Variants in NAV1 observed in about 807,000 individuals in gnomAD.
NAV1 encodes the protein pore membrane and/or filament interacting like protein 3.
NAV1 carries 18 observed loss-of-function variants against 175.2 expected under a neutral mutation model. The observed-to-expected ratio is 0.10, with a 90% CI of 0.07 to 0.15. NAV1 has a LOEUF of 0.15. Ranked by LOEUF, NAV1 falls within the 10% of genes least tolerant of loss-of-function variation. NAV1 has a pLI of 1.00. For synonymous variants in NAV1, 897 were observed against 978.7 expected (o/e 0.92, Z 1.56); for missense variants, 1,731 against 2,436.6 (o/e 0.71, Z 6.10).
At chr1:201,591,793 G>A (rs1667205157) in intron 2 of NAV1, among the ~76,000 whole-genome samples, 1 of 152,132 alleles carries the variant, frequency 6.6e-6, no homozygotes, top group Non-Finnish European at 1.5e-5. Flanking sequence ...CTGGGAAGGT[G>A]AGAAAGCTGA....
At chr1:201,544,991 T>C (rs1437428202) in intron 1 of NAV1, among the ~76,000 whole-genome samples, 1 of 152,218 alleles carries the variant, frequency 6.6e-6, no homozygotes, top group Non-Finnish European at 1.5e-5. Flanking sequence ...GAGATGAGCA[T>C]TTAGGAAATA....
chr1:201,644,384 G>A (rs567032739), upstream of NAV1, among the ~76,000 whole-genome samples: 1 of 152,334 alleles, frequency 6.6e-6, no homozygotes, highest in African/African-American at 2.4e-5. Flanking sequence ...AATGGCTGTT[G>A]CCACAGCAGC....
intron 1 of NAV1, among the ~76,000 whole-genome samples, chr1:201,653,125 A>G (rs1669269277): frequency 6.6e-6 from 1 of 152,262 alleles, no homozygotes; most frequent in Admixed American, 6.5e-5. Flanking sequence ...ATGCCAAAAA[A>G]GCAGAAGCCG....
chr1:201,693,684 C>T (rs1159681303), intron 1 of NAV1, among the ~76,000 whole-genome samples: 1 of 152,044 alleles, frequency 6.6e-6, no homozygotes, highest in East Asian at 1.9e-4. Context: ...GGAGAAGTGC[C>T]CCAGCAGGGA....
intron 2 of NAV1, among the ~76,000 whole-genome samples, chr1:201,594,895 G>A (rs1667309899): frequency 6.6e-6 from 1 of 152,244 alleles, no homozygotes. Flanking sequence ...GAGAAAGGGA[G>A]CACTGAGCAG....
chr1:201,570,007 T>G (rs1666482693), intron 1 of NAV1, among the ~76,000 whole-genome samples: 1 of 152,214 alleles, frequency 6.6e-6, no homozygotes, highest in African/African-American at 2.4e-5. Context: ...AGATGACGGA[T>G]GTGGAAATAT....
chr1:201,606,693 A>G (rs1667689196), intron 2 of NAV1, among the ~76,000 whole-genome samples: 1 of 152,192 alleles, frequency 6.6e-6, no homozygotes. Flanking sequence ...GAAGAACAGA[A>G]CAAGATCTGC....
intron 1 of NAV1, among the ~76,000 whole-genome samples, chr1:201,657,413 A>G (rs976083323): frequency 3.9e-5 from 6 of 152,306 alleles, no homozygotes; most frequent in South Asian, 2.1e-4. Flanking sequence ...GCTAGCCTGC[A>G]TTTCCCAGGA....
In NAV1 at chr1:201,804,429, G is replaced by C. The variant is rs1372271865; in HGVS notation, c.3640-60G>C. ...CCAGCTGTGTGAAATGAGTGATTAA[G>C]TGTTGATTCTTTTTTTTTTTCCTTC... On this transcript the variant is annotated intron_variant, in intron 16 of 29. Transcript: ENST00000367296. 3 of 1,493,256 alleles carry C rather than the reference G, an allele frequency of 2.0e-6. No homozygotes were observed. In the East Asian group the frequency reaches 7.4e-5, roughly 37 times the overall value. The allele number at this position is 1,493,256 out of a possible 1,614,324, so 92.5% of individuals were successfully genotyped here.
rs188982518 is a variant in NAV1, at chr1:201,581,964, C to T, written c.-143-6575C>T. 5.2e-3 allele frequency among the ~76,000 whole-genome samples: 786 copies of T among 151,888 alleles called. 9 individuals carry two copies. Among genetic ancestry groups the T allele is most frequent in the African/African-American group, 0.018 (734 of 41,408 alleles). ...ACAAAAAATTAGCTGGGGATGGTGG[C>T]GGGCGCCTGTAGTCCCAGCTACTCG... is the stretch of plus-strand genomic sequence containing the variant. On this transcript the variant is annotated intron_variant, in intron 1 of 33. Transcript: ENST00000685211.
At chr1:201,560,907 A>G (rs1427089406) in intron 1 of NAV1, among the ~76,000 whole-genome samples, 1 of 152,246 alleles carries the variant, frequency 6.6e-6, no homozygotes, top group Non-Finnish European at 1.5e-5. Context: ...CAAAGCAGAC[A>G]GTGGGCTCAG....
At chr1:201,649,264 C>T in exon 1 of NAV1, 1 of 1,613,144 alleles carries the variant, frequency 6.2e-7, no homozygotes, top group South Asian at 1.1e-5. Flanking sequence ...GATGGCAAAT[C>T]GGACGACGAG....
chr1:201,779,750 C>G (rs1676199969), intron 3 of NAV1, among the ~76,000 whole-genome samples: 1 of 152,040 alleles, frequency 6.6e-6, no homozygotes, highest in African/African-American at 2.4e-5. Flanking sequence ...ACAGCAGTAT[C>G]TCCCTAATAC....
intron 2 of NAV1, among the ~76,000 whole-genome samples, chr1:201,637,814 G>T (rs1668649773): frequency 6.6e-6 from 1 of 152,144 alleles, no homozygotes; most frequent in African/African-American, 2.4e-5. Context: ...CATGACAACT[G>T]ATCTGGGTGG....
chr1:201,754,494 T>C (rs1338903965), intron 3 of NAV1, among the ~76,000 whole-genome samples: 1 of 152,194 alleles, frequency 6.6e-6, no homozygotes, highest in African/African-American at 2.4e-5. Flanking sequence ...AGATCTTTGG[T>C]AACCCTTGCC....
At chr1:201,585,295 G>A (rs748493573) in intron 1 of NAV1, among the ~76,000 whole-genome samples, 19 of 152,112 alleles carry the variant, frequency 1.2e-4, no homozygotes, top group Non-Finnish European at 2.5e-4. Flanking sequence ...AAATTATTCT[G>A]TGAGAATACG....
chr1:201,583,127 T>C (rs1443794028), intron 1 of NAV1, among the ~76,000 whole-genome samples: 3 of 152,266 alleles, frequency 2.0e-5, no homozygotes, highest in African/African-American at 7.2e-5. Flanking sequence ...CCATGGCGGC[T>C]CTACACCCTC....
Position 201,745,984 on chromosome 1 carries a change from A to G in NAV1, c.1226+27229A>G, listed in dbSNP as rs183257335. Among the ~76,000 whole-genome samples, 3 of 150,532 alleles carry G rather than the reference A, an allele frequency of 2.0e-5. No individual in the cohort carries two copies. The East Asian group carries it at 5.8e-4, about 29-fold the overall frequency. ...GCAGCTGGGACTGCAGGTGCATGCCACCATGCTCAGCTAATTTTTTTTTTG... is the reference window on the plus strand; with the variant it reads ...GCAGCTGGGACTGCAGGTGCATGCCGCCATGCTCAGCTAATTTTTTTTTTG... On this transcript the variant is annotated intron_variant, in intron 3 of 29. Transcript: ENST00000367296.
rs1431397419 is a variant in NAV1, at chr1:201,811,921, C to T, written c.4971C>T (p.Thr1657=). The T allele has an allele frequency of 3.1e-6, 5 of 1,613,956 alleles. No homozygotes were observed. The African/African-American group carries it at 5.3e-5, about 17-fold the overall frequency. The change falls in exon 26 of 30, where the codon ACC becomes ACT. Residue 1657 remains threonine (T), a synonymous_variant. Transcript: ENST00000367296. The stretch of plus-strand genomic sequence containing the variant: ...CCTACAGTCCCTATATTATAGGTAC[C>T]ACCAATCAGCCTGTAAAAATGACAC...
Sources: allele counts gnomAD v4.1 joint callset (sites outside exome capture counted in the v4.1 genomes callset), GRCh38; gene constraint gnomAD v4.1.1; transcripts MANE v1.5; gene names NCBI Gene and HGNC (gene_info 2026-07-23, HGNC 2026-07-21).